Variants in LITAF observed in about 807,000 individuals in gnomAD.
The protein encoded by LITAF is lipopolysaccharide-induced tumor necrosis factor-alpha factor.
In LITAF, 9 loss-of-function variants were observed where a neutral mutation model predicts 14.5. The observed-to-expected ratio is 0.62, with a 90% CI of 0.37 to 1.08. LITAF has a LOEUF of 1.08. LITAF is among the 50% of genes least tolerant of loss of function. The pLI is 0.01. For synonymous variants in LITAF, 98 were observed against 88.2 expected, an observed-to-expected ratio of 1.11 and a Z score of -0.62; for missense variants, 206 against 213.4, an observed-to-expected ratio of 0.97 and a Z score of 0.22.
At chr16:11,565,446 C>CGGGGGGGGGGG (rs1200500800) in intron 1 of LITAF, among the ~76,000 whole-genome samples, 2 of 2,180 alleles carry the variant, frequency 9.2e-4, no homozygotes, top group African/African-American at 2.2e-3. Context: ...AAGCGGGGGG[C>CGGGGGGGGGGG]GGGGGGGTGG....
upstream of LITAF, among the ~76,000 whole-genome samples, chr16:11,599,505 CAT>C (rs1156441011): frequency 6.6e-6 from 1 of 152,144 alleles, no homozygotes; most frequent in Non-Finnish European, 1.5e-5. Flanking sequence ...GGCTGGAACT[CAT>C]GTGTTTCCAG....
chr16:11,598,646 A>G (rs1225672296), upstream of LITAF: 6 of 152,196 alleles, frequency 3.9e-5, no homozygotes, highest in African/African-American at 1.4e-4. Context: ...AGCGGTGACA[A>G]TGATGACGTG....
intron 2 of LITAF, among the ~76,000 whole-genome samples, chr16:11,554,787 C>CAAAAA (rs56346206): frequency 3.1e-5 from 2 of 64,504 alleles, no homozygotes; most frequent in Non-Finnish European, 5.9e-5. Context: ...GACTCTACCT[C>CAAAAA]AAAAAAAAAA....
chr16:11,596,249 G>A (rs1482041347), intron 1 of LITAF, among the ~76,000 whole-genome samples: 1 of 152,108 alleles, frequency 6.6e-6, no homozygotes, highest in African/African-American at 2.4e-5. Context: ...TGCCCAGAGT[G>A]AGGCCCGGGT....
intron 3 of LITAF, among the ~76,000 whole-genome samples, chr16:11,609,592 G>A (rs1446099407): frequency 6.6e-6 from 1 of 152,124 alleles, no homozygotes; most frequent in African/African-American, 2.4e-5. Flanking sequence ...AAAGAAAAAG[G>A]GATAAAGGGA....
At chr16:11,618,715 G>A (rs1191875431) in intron 3 of LITAF, among the ~76,000 whole-genome samples, 3 of 152,054 alleles carry the variant, frequency 2.0e-5, no homozygotes, top group East Asian at 3.8e-4. Flanking sequence ...CCGGCCGCGG[G>A]GGCTCACACC....
chr16:11,563,598 T>C (rs1361061427), intron 1 of LITAF, among the ~76,000 whole-genome samples: 1 of 152,138 alleles, frequency 6.6e-6, no homozygotes, highest in East Asian at 1.9e-4. Context: ...ACATACTTGA[T>C]GCCATGCAAA....
At chr16:11,565,076 A>G (rs548781742) in intron 1 of LITAF, among the ~76,000 whole-genome samples, 62 of 129,740 alleles carry the variant, frequency 4.8e-4, no homozygotes, top group African/African-American at 1.6e-3. Flanking sequence ...ACTAAATGCC[A>G]CTGAATTATC....
rs967300010 is a variant in LITAF, at chr16:11,595,778, G to T, written c.-6+2610C>A. Among the ~76,000 whole-genome samples, 11 of 152,150 alleles carry T rather than the reference G, an allele frequency of 7.2e-5. No individual in the cohort carries two copies. The East Asian group carries it at 1.2e-3, about 16-fold the overall frequency. ...AAAAACAGGTAAAACTATGCAGAAT[G>T]CCCAGTTAATCTGAATTGCAGAGAA... On this transcript the variant is annotated intron_variant, in intron 1 of 3. Transcript: ENST00000571627.
At chr16:11,552,761 G>A (rs956517384) in intron 3 of LITAF, among the ~76,000 whole-genome samples, 4 of 152,132 alleles carry the variant, frequency 2.6e-5, no homozygotes, top group Admixed American at 1.3e-4. Context: ...GCATTAAGCG[G>A]GTGGGGGCCA....
intron 3 of LITAF, among the ~76,000 whole-genome samples, chr16:11,611,637 TTTTC>T (rs911381175): frequency 7.9e-5 from 12 of 151,898 alleles, no homozygotes; most frequent in Non-Finnish European, 1.3e-4. Context: ...TCTATCTTTT[TTTTC>T]TTTCTTTCTT....
At chr16:11,611,650 T>C (rs572214430) in intron 3 of LITAF, among the ~76,000 whole-genome samples, 2 of 149,212 alleles carry the variant, frequency 1.3e-5, no homozygotes, top group East Asian at 3.9e-4. Flanking sequence ...TCTTTCTTTC[T>C]TTTCTTTTTC....
chr16:11,575,912 G>A (rs757767023), intron 1 of LITAF, among the ~76,000 whole-genome samples: 2 of 151,888 alleles, frequency 1.3e-5, no homozygotes, highest in African/African-American at 4.8e-5. Flanking sequence ...TCGGGGTCTC[G>A]CTGTGTTGCC....
chr16:11,622,036 C>T (rs969611251), intron 3 of LITAF, among the ~76,000 whole-genome samples: 4 of 152,154 alleles, frequency 2.6e-5, no homozygotes, highest in Admixed American at 2.6e-4. Context: ...TGAAACAAAA[C>T]ACGTCTGCAG....
chr16:11,606,372 T>C (rs2064955138), intron 3 of LITAF, among the ~76,000 whole-genome samples: 1 of 151,886 alleles, frequency 6.6e-6, no homozygotes, highest in African/African-American at 2.4e-5. Flanking sequence ...TTTTGCCATG[T>C]TGCCCAGGCT....
chr16:11,572,420 G>T (rs536579683), intron 1 of LITAF, among the ~76,000 whole-genome samples: 1 of 151,978 alleles, frequency 6.6e-6, no homozygotes, highest in East Asian at 1.9e-4. Context: ...ACAGATGATC[G>T]GGCTGAATAT....
chr16:11,618,599 G>A (rs1261135015), intron 3 of LITAF, among the ~76,000 whole-genome samples: 1 of 152,194 alleles, frequency 6.6e-6, no homozygotes, highest in Non-Finnish European at 1.5e-5. Context: ...TTTCTCTCTG[G>A]CCATGGAGCC....
chr16:11,611,261 T>C (rs2064980770), intron 3 of LITAF, among the ~76,000 whole-genome samples: 1 of 152,044 alleles, frequency 6.6e-6, no homozygotes, highest in Non-Finnish European at 1.5e-5. Context: ...GAGGATGAAT[T>C]GAGCCCAGGA....
chr16:11,564,523 A>T (rs1405658975), intron 1 of LITAF, among the ~76,000 whole-genome samples: 3 of 151,608 alleles, frequency 2.0e-5, no homozygotes, highest in African/African-American at 7.3e-5. Context: ...GCACAATCAA[A>T]CCTGCAGGTC....
Sources: gnomAD v4.1 joint callset for allele counts (sites outside exome capture counted in the v4.1 genomes callset) on GRCh38, gnomAD v4.1.1 for gene constraint, MANE v1.5 for transcripts, NCBI Gene and HGNC (gene_info 2026-07-23, HGNC 2026-07-21) for gene names.